VAT1L: variants seen among roughly 807,000 people sequenced by gnomAD.
The protein encoded by VAT1L is vesicle amine transport 1 like.
A neutral mutation model predicts 44.1 loss-of-function variants in VAT1L; 34 were observed. That is an observed-to-expected ratio of 0.77 (90% confidence interval 0.59 to 1.03). VAT1L has a LOEUF of 1.03. VAT1L is among the 50% of genes least tolerant of loss of function. The pLI is 0.00. For synonymous variants in VAT1L, 253 were observed against 202.2 expected (o/e 1.25, Z -2.13); for missense variants, 615 against 538.8 (o/e 1.14, Z -1.40).
At chr16:77,944,339 T>C (rs947720017) in intron 7 of VAT1L, among the ~76,000 whole-genome samples, 1 of 152,174 alleles carries the variant, frequency 6.6e-6, no homozygotes, top group Non-Finnish European at 1.5e-5. Context: ...AAGAGTAGCA[T>C]AGCCCCTAAA....
At position 77,946,226 on chromosome 16, in the gene VAT1L, C is replaced by G. The variant is rs1377139132; in HGVS notation, c.1078-25624C>G. On this transcript the variant is annotated intron_variant, in intron 7 of 8. Transcript: ENST00000302536. ...CTACATAATATTCTAACAAACAGCTCTAACAGAGTTTACTCAACCACTCTC... is the reference window on the plus strand; with the variant it reads ...CTACATAATATTCTAACAAACAGCTGTAACAGAGTTTACTCAACCACTCTC... 2.7e-5 allele frequency among the ~76,000 whole-genome samples: 4 copies of G among 148,484 alleles called. No individual in the cohort carries two copies. The East Asian group carries it at 6.0e-4, about 22-fold the overall frequency.
Position 77,825,265 on chromosome 16 carries a change from C to T in VAT1L, c.383C>T (p.Ala128Val). The T allele has an allele frequency of 1.2e-6, 2 of 1,614,134 alleles. No individual in the cohort carries two copies. The highest frequency in any genetic ancestry group is 1.7e-6 in the Non-Finnish European group (2 of 1,180,048). The stretch of plus-strand genomic sequence containing the variant: ...GCCCAGATTGGAGACCGTGTCATGG[C>T]ATTTGTCAATTACAATGCCTGGGCA... ...KGYEIGDRVM[A>V]FVNYNAWAEV... The change falls in exon 3 of 9, where the codon GCA becomes GTA. Residue 128 changes from alanine (A) to valine (V), a missense_variant. Transcript: ENST00000302536.
At chr16:77,849,191 AC>A (rs1373405392) in intron 3 of VAT1L, among the ~76,000 whole-genome samples, 12 of 152,312 alleles carry the variant, frequency 7.9e-5, no homozygotes, top group Admixed American at 2.0e-4. Flanking sequence ...AAGTATAATA[AC>A]AAAAAAAAGT....
chr16:77,865,212 A>T (rs940905299), intron 4 of VAT1L, among the ~76,000 whole-genome samples: 6 of 151,970 alleles, frequency 3.9e-5, no homozygotes, highest in Admixed American at 2.0e-4. Context: ...TGACCTCGTG[A>T]TGCGCCCATC....
rs140913279 is a variant in VAT1L, at chr16:77,974,509, G to A, written c.1161+2576G>A. ...TGAAAAATCCACCTTTCAGGGTAAAGGCACAGGATCTGCCTGTGCCACACA... is the reference window on the plus strand; with the variant it reads ...TGAAAAATCCACCTTTCAGGGTAAAAGCACAGGATCTGCCTGTGCCACACA... On this transcript the variant is annotated intron_variant, in intron 8 of 8. Transcript: ENST00000302536. Among the ~76,000 whole-genome samples, 290 of 152,250 alleles carry A rather than the reference G, an allele frequency of 1.9e-3. 5 individuals carry two copies. In the East Asian group the frequency reaches 0.051, roughly 27 times the overall value.
intron 3 of VAT1L, among the ~76,000 whole-genome samples, chr16:77,833,618 G>A (rs937581446): frequency 1.4e-4 from 22 of 152,298 alleles, no homozygotes; most frequent in African/African-American, 4.8e-4. Flanking sequence ...GGGCATGGTG[G>A]CGTGTGCCTG....
intron 3 of VAT1L, among the ~76,000 whole-genome samples, chr16:77,837,765 C>A (rs907637755): frequency 1.3e-5 from 2 of 152,130 alleles, no homozygotes; most frequent in Admixed American, 1.3e-4. Context: ...CTATAAAGAA[C>A]AGGTCTAATA....
chr16:77,818,421 A>AT (rs957910879), intron 2 of VAT1L, among the ~76,000 whole-genome samples: 11 of 152,202 alleles, frequency 7.2e-5, no homozygotes, highest in African/African-American at 2.4e-4. Context: ...ACGAATTTAC[A>AT]TTTTTTTGTC....
chr16:77,812,024 A>C (rs2016273582), intron 1 of VAT1L, among the ~76,000 whole-genome samples: 1 of 151,166 alleles, frequency 6.6e-6, no homozygotes, highest in Non-Finnish European at 1.5e-5. Context: ...AGGGATTAAA[A>C]CCCAAGCACC....
chr16:77,806,038 T>C (rs1324977647), intron 1 of VAT1L, among the ~76,000 whole-genome samples: 2 of 151,160 alleles, frequency 1.3e-5, no homozygotes, highest in Admixed American at 6.6e-5. Flanking sequence ...AATTTTTATA[T>C]TTTTAGTAGA....
At chr16:77,822,831 T>G (rs1327033693) in intron 2 of VAT1L, among the ~76,000 whole-genome samples, 1 of 152,146 alleles carries the variant, frequency 6.6e-6, no homozygotes, top group African/African-American at 2.4e-5. Context: ...GAAGACACAC[T>G]GGGGCAGAGC....
intron 7 of VAT1L, among the ~76,000 whole-genome samples, chr16:77,901,602 C>T (rs974778878): frequency 5.9e-5 from 9 of 152,168 alleles, no homozygotes; most frequent in Non-Finnish European, 1.3e-4. Context: ...AGGTGGAATA[C>T]ATTTCTCTTT....
chr16:77,921,625 T>C (rs765674884), intron 7 of VAT1L, among the ~76,000 whole-genome samples: 2 of 152,368 alleles, frequency 1.3e-5, no homozygotes, highest in Admixed American at 6.5e-5. Context: ...GACTTAATTT[T>C]ATGTCTCTAC....
At chr16:77,930,980 T>C (rs914881400) in intron 7 of VAT1L, among the ~76,000 whole-genome samples, 2 of 152,192 alleles carry the variant, frequency 1.3e-5, no homozygotes, top group African/African-American at 4.8e-5. Context: ...CATTTAAACC[T>C]CAAAACTCTA....
At chr16:77,927,591 A>C (rs967778663) in intron 7 of VAT1L, among the ~76,000 whole-genome samples, 2 of 151,404 alleles carry the variant, frequency 1.3e-5, no homozygotes. Context: ...AAATTGAAAA[A>C]CTTTGGCCAG....
At chr16:77,839,516 A>G (rs2016679663) in intron 3 of VAT1L, among the ~76,000 whole-genome samples, 1 of 128,534 alleles carries the variant, frequency 7.8e-6, no homozygotes, top group Admixed American at 8.9e-5. Flanking sequence ...AGCCTGGGCG[A>G]CAGAGAGATA....
Position 77,879,472 on chromosome 16 carries a change from G to A in VAT1L, c.882+248G>A, listed in dbSNP as rs1225930728. 2.6e-5 allele frequency among the ~76,000 whole-genome samples: 4 copies of A among 152,148 alleles called. No individual in the cohort carries two copies. Among genetic ancestry groups the A allele is most frequent in the South Asian group, 4.1e-4 (2 of 4,824 alleles). ...TACCCAGCTAATTTTTGTATTTGTA[G>A]TAGAGACGGGGTTTCACCGTGTTGG... On this transcript the variant is annotated intron_variant, in intron 6 of 8. Transcript: ENST00000302536. This position sits in a 1 kb window ranked among gnomAD's most constrained non-coding sequence, Gnocchi z 4.1.
At chr16:77,888,083 A>G (rs2017226848) in intron 7 of VAT1L, among the ~76,000 whole-genome samples, 1 of 152,154 alleles carries the variant, frequency 6.6e-6, no homozygotes, top group Non-Finnish European at 1.5e-5. Flanking sequence ...AATTTTTGAC[A>G]GTCTGCTTCC....
At chr16:77,895,471 A>G (rs2017314107) in intron 7 of VAT1L, among the ~76,000 whole-genome samples, 1 of 152,174 alleles carries the variant, frequency 6.6e-6, no homozygotes, top group African/African-American at 2.4e-5. Context: ...ACAAGGGCCT[A>G]TGTAAGAGAG....
Sources: gnomAD v4.1 joint callset for allele counts (sites outside exome capture counted in the v4.1 genomes callset) on GRCh38, gnomAD v4.1.1 for gene constraint, Gnocchi (gnomAD v3.1) non-coding constraint, MANE v1.5 for transcripts, NCBI Gene and HGNC (gene_info 2026-07-23, HGNC 2026-07-21) for gene names.